The following TMEM38B variants were observed in gnomAD, a reference collection of about 807,000 sequenced individuals.
TMEM38B encodes trimeric intracellular cation channel type B.
A neutral mutation model predicts 28.7 loss-of-function variants in TMEM38B; 24 were observed. The observed-to-expected ratio is 0.84, with a 90% CI of 0.61 to 1.18. The LOEUF (loss-of-function observed/expected upper bound fraction) is 1.18. Ranked by LOEUF, TMEM38B falls within the 50% of genes most tolerant of loss-of-function variation. TMEM38B has a pLI of 0.00. For missense variants in TMEM38B, 380 were observed against 350.9 expected (o/e 1.08, Z -0.66); for synonymous variants, 131 against 127.7 (o/e 1.03, Z -0.17).
intron 5 of TMEM38B, among the ~76,000 whole-genome samples, chr9:105,756,359 T>C (rs1349491764): frequency 6.6e-6 from 1 of 152,224 alleles, no homozygotes; most frequent in African/African-American, 2.4e-5. Flanking sequence ...TTTCTTGATC[T>C]TAGGGAGAAA....
intron 2 of TMEM38B, among the ~76,000 whole-genome samples, chr9:105,714,413 A>G (rs1376064025): frequency 1.3e-5 from 2 of 152,224 alleles, no homozygotes; most frequent in Admixed American, 1.3e-4. Context: ...GTTTCTGCCC[A>G]GAAAAGTGAC....
intron 5 of TMEM38B, chr9:105,760,561 G>T: frequency 2.7e-6 from 2 of 740,534 alleles, no homozygotes; most frequent in Non-Finnish European, 4.9e-6. Context: ...TATAGAAAAT[G>T]TTATTAAAAA....
At chr9:105,760,815 T>C (rs1324309305) in intron 5 of TMEM38B, 2 of 740,620 alleles carry the variant, frequency 2.7e-6, no homozygotes, top group Non-Finnish European at 4.3e-6. Flanking sequence ...TATCTGAGAA[T>C]GTAGCTAATC....
chr9:105,772,413 C>T (rs1826580837), intron 5 of TMEM38B, among the ~76,000 whole-genome samples: 1 of 152,092 alleles, frequency 6.6e-6, no homozygotes, highest in Admixed American at 6.6e-5. Flanking sequence ...CTTTCTATTC[C>T]CCTGTGCTGT....
At chr9:105,725,846 A>G (rs1184780971) in intron 4 of TMEM38B, among the ~76,000 whole-genome samples, 4 of 152,200 alleles carry the variant, frequency 2.6e-5, no homozygotes, top group African/African-American at 7.2e-5. Flanking sequence ...GACCTAGGAC[A>G]TTAGTGTGCA....
At chr9:105,695,147 G>A (rs781035469) in intron 1 of TMEM38B, among the ~76,000 whole-genome samples, 1 of 152,190 alleles carries the variant, frequency 6.6e-6, no homozygotes, top group Non-Finnish European at 1.5e-5. Context: ...CGGCCTCCTC[G>A]CGGTACCGCC....
At chr9:105,724,833 A>G (rs1282379123) in intron 4 of TMEM38B, among the ~76,000 whole-genome samples, 1 of 152,164 alleles carries the variant, frequency 6.6e-6, no homozygotes, top group East Asian at 1.9e-4. Context: ...CATTTTGAGT[A>G]TATGCCTTGA....
At chr9:105,724,569 G>T (rs1386949967) in intron 4 of TMEM38B, among the ~76,000 whole-genome samples, 1 of 151,446 alleles carries the variant, frequency 6.6e-6, no homozygotes, top group Non-Finnish European at 1.5e-5. Context: ...GTTGCAATGA[G>T]CTGAGATCGC....
intron 4 of TMEM38B, among the ~76,000 whole-genome samples, chr9:105,725,671 AG>A (rs1404160107): frequency 1.3e-5 from 2 of 152,156 alleles, no homozygotes; most frequent in Non-Finnish European, 2.9e-5. Context: ...ATTTTAACGT[AG>A]TAGTAGGTAT....
intron 4 of TMEM38B, among the ~76,000 whole-genome samples, chr9:105,737,089 C>T (rs752385151): frequency 6.6e-5 from 10 of 152,178 alleles, no homozygotes; most frequent in East Asian, 1.9e-4. Flanking sequence ...CTGCAGGGTG[C>T]GTGCTTGGAT....
chr9:105,713,456 G>T (rs1487266517), intron 2 of TMEM38B, among the ~76,000 whole-genome samples: 1 of 152,222 alleles, frequency 6.6e-6, no homozygotes, highest in Non-Finnish European at 1.5e-5. Flanking sequence ...GTCACAGCCT[G>T]GCTGGGTGTG....
At chr9:105,705,275 G>A (rs1280425326) in intron 1 of TMEM38B, among the ~76,000 whole-genome samples, 1 of 152,082 alleles carries the variant, frequency 6.6e-6, no homozygotes, top group Non-Finnish European at 1.5e-5. Context: ...GCTTACTGTA[G>A]GGTTTGGGAT....
chr9:105,729,054 G>T lies in TMEM38B; in HGVS notation c.542+6433G>T, dbSNP rs569496089. Among the ~76,000 whole-genome samples, 104 of 152,086 alleles carry T rather than the reference G, an allele frequency of 6.8e-4. 1 individual carries two copies. The highest frequency in any genetic ancestry group is 2.2e-3 in the African/African-American group (91 of 41,524). ...TTGCCTGTTCACTCTGATGGTAGTTGCTTTTGCTGTGCAGAAGCTCTTTAG... is the reference window on the plus strand; with the variant it reads ...TTGCCTGTTCACTCTGATGGTAGTTTCTTTTGCTGTGCAGAAGCTCTTTAG... On this transcript the variant is annotated intron_variant, in intron 4 of 5. Coordinates refer to ENST00000374692, the MANE Select transcript of TMEM38B (RefSeq NM_018112.3).
intron 1 of TMEM38B, among the ~76,000 whole-genome samples, chr9:105,700,722 C>T (rs1432454887): frequency 1.3e-5 from 2 of 152,080 alleles, no homozygotes; most frequent in East Asian, 3.9e-4. Context: ...GTTTGTAAGT[C>T]TAGGATTTAT....
chr9:105,695,695 C>T (rs1408324055), intron 1 of TMEM38B, among the ~76,000 whole-genome samples: 1 of 152,156 alleles, frequency 6.6e-6, no homozygotes, highest in Non-Finnish European at 1.5e-5. Flanking sequence ...CTGCCTTGCC[C>T]TACGGATAGT....
intron 4 of TMEM38B, among the ~76,000 whole-genome samples, chr9:105,726,678 G>A (rs1311393398): frequency 6.6e-6 from 1 of 152,120 alleles, no homozygotes; most frequent in African/African-American, 2.4e-5. Context: ...GCTCATGTCT[G>A]TAATCCTAGT....
At chr9:105,696,214 A>G (rs1022735228) in intron 1 of TMEM38B, among the ~76,000 whole-genome samples, 1 of 152,264 alleles carries the variant, frequency 6.6e-6, no homozygotes, top group South Asian at 2.1e-4. Context: ...GTTAGAATGT[A>G]CACAGTGTGA....
At chr9:105,706,367 T>C (rs562423275) in intron 2 of TMEM38B, among the ~76,000 whole-genome samples, 1 of 152,378 alleles carries the variant, frequency 6.6e-6, no homozygotes, top group Non-Finnish European at 1.5e-5. Flanking sequence ...TCTCAGCTTG[T>C]TGCGGGACGC....
chr9:105,773,808 T>C, intron 5 of TMEM38B, 57 bp from the exon 6 acceptor site: 1 of 1,532,018 alleles, frequency 6.5e-7, no homozygotes, highest in Non-Finnish European at 8.9e-7. Flanking sequence ...TGTTTCTCTC[T>C]CTTGAGAAAC....
Sources: gnomAD v4.1 joint callset for allele counts (sites outside exome capture counted in the v4.1 genomes callset) on GRCh38, gnomAD v4.1.1 for gene constraint, MANE v1.5 for transcripts, NCBI Gene and HGNC (gene_info 2026-07-23, HGNC 2026-07-21) for gene names.